The following LHFPL2 variants were observed in gnomAD, a reference collection of about 807,000 sequenced individuals.
The protein encoded by LHFPL2 is LHFPL tetraspan subfamily member 2 protein.
LHFPL2 carries 7 observed loss-of-function variants against 17.5 expected under a neutral mutation model. The ratio of observed to expected loss-of-function variants is 0.40; its 90% CI spans 0.23 to 0.75. The LOEUF is 0.75. LHFPL2 is among the 30% of genes least tolerant of loss of function. LHFPL2 has a pLI of 0.37. For missense variants in LHFPL2, 241 were observed against 294.8 expected (o/e 0.82, Z 1.34); for synonymous variants, 134 against 116.2 (o/e 1.15, Z -0.99).
chr5:78,493,810 T>G (rs1459042199), intron 4 of LHFPL2, among the ~76,000 whole-genome samples: 5 of 152,128 alleles, frequency 3.3e-5, no homozygotes, highest in Non-Finnish European at 7.4e-5. Context: ...ATAAAACAAT[T>G]AAAATCAATA....
chr5:78,539,269 G>C (rs972061382), intron 3 of LHFPL2, among the ~76,000 whole-genome samples: 2 of 152,142 alleles, frequency 1.3e-5, no homozygotes, highest in African/African-American at 2.4e-5. Flanking sequence ...TGGCACCTTG[G>C]TCTTGGACCT....
At chr5:78,540,630 C>A (rs980028672) in intron 3 of LHFPL2, among the ~76,000 whole-genome samples, 2 of 152,236 alleles carry the variant, frequency 1.3e-5, no homozygotes, top group Non-Finnish European at 2.9e-5. Flanking sequence ...GAATTCCTGG[C>A]ACCTGTGGTC....
At chr5:78,575,540 T>A (rs952247049) in intron 2 of LHFPL2, among the ~76,000 whole-genome samples, 1 of 151,808 alleles carries the variant, frequency 6.6e-6, no homozygotes, top group Non-Finnish European at 1.5e-5. Flanking sequence ...AGAGCGAGAC[T>A]CCATCTCAAA....
chr5:78,633,308 G>A (rs978830108), intron 1 of LHFPL2, among the ~76,000 whole-genome samples: 2 of 152,198 alleles, frequency 1.3e-5, no homozygotes, highest in South Asian at 2.1e-4. Flanking sequence ...TCCAGCATGA[G>A]GTGGTTCCTG....
chr5:78,594,040 C>T (rs1743739862), intron 2 of LHFPL2, among the ~76,000 whole-genome samples: 1 of 152,154 alleles, frequency 6.6e-6, no homozygotes, highest in Non-Finnish European at 1.5e-5. Flanking sequence ...GCCTCACCAG[C>T]CCAGGTACTA....
chr5:78,595,692 T>A (rs1172349206), intron 2 of LHFPL2, among the ~76,000 whole-genome samples: 1 of 152,128 alleles, frequency 6.6e-6, no homozygotes, highest in African/African-American at 2.4e-5. Flanking sequence ...TTTAAAATTT[T>A]TTTTGTAAAG....
At chr5:78,594,116 T>C (rs948383731) in intron 2 of LHFPL2, among the ~76,000 whole-genome samples, 61 of 152,240 alleles carry the variant, frequency 4.0e-4, no homozygotes, top group African/African-American at 1.4e-3. Flanking sequence ...GTTTCAGAGC[T>C]AGTTAAGTAT....
At chr5:78,647,753 A>G (rs771885818) in intron 1 of LHFPL2, among the ~76,000 whole-genome samples, 25 of 152,092 alleles carry the variant, frequency 1.6e-4, no homozygotes, top group Non-Finnish European at 2.8e-4. Context: ...AATAACAGAA[A>G]AGTCGAACGG....
chr5:78,618,030 C>T (rs897114588), intron 2 of LHFPL2, among the ~76,000 whole-genome samples: 1 of 151,934 alleles, frequency 6.6e-6, no homozygotes, highest in Admixed American at 6.6e-5. Flanking sequence ...TGGTGAGACC[C>T]CATCTCTACT....
intron 3 of LHFPL2, among the ~76,000 whole-genome samples, chr5:78,547,599 TAC>T (rs1756318208): frequency 1.3e-5 from 2 of 152,228 alleles, no homozygotes; most frequent in South Asian, 2.1e-4. Flanking sequence ...CATGGTGGAA[TAC>T]ACAGTCCTTC....
chr5:78,562,040 A>G (rs913056399), intron 3 of LHFPL2, among the ~76,000 whole-genome samples: 2 of 152,190 alleles, frequency 1.3e-5, no homozygotes, highest in Non-Finnish European at 2.9e-5. Flanking sequence ...TCCCCCAAAG[A>G]GGCACAGAAA....
intron 4 of LHFPL2, among the ~76,000 whole-genome samples, chr5:78,492,684 C>T (rs1444722974): frequency 6.6e-6 from 1 of 152,186 alleles, no homozygotes. Context: ...GAGACTCTTG[C>T]TGTTGTTTAA....
At chr5:78,572,164 T>G (rs779199379) in intron 2 of LHFPL2, among the ~76,000 whole-genome samples, 1 of 152,258 alleles carries the variant, frequency 6.6e-6, no homozygotes, top group Middle Eastern at 3.4e-3. Context: ...CAATATAGTT[T>G]GGAAAACTGC....
At chr5:78,626,252 T>C (rs1186026833) in intron 2 of LHFPL2, 1 of 152,210 alleles carries the variant, frequency 6.6e-6, no homozygotes, top group East Asian at 1.9e-4. Flanking sequence ...CTGCCTGGGT[T>C]TGTTTATTTC....
intron 2 of LHFPL2, among the ~76,000 whole-genome samples, chr5:78,617,964 A>T (rs1488811620): frequency 6.6e-6 from 1 of 152,094 alleles, no homozygotes; most frequent in African/African-American, 2.4e-5. Context: ...GCACTTTGGG[A>T]GGCCAAGACA....
rs550966994 is a variant in LHFPL2 at position 78,562,402 on chromosome 5, A to G, written c.-186+2411T>C. ...CTTTGCTCAAAACAAACCTTCCACCAAGTTCATATAATGCGACTGACTACA... is the reference window on the plus strand; with the variant it reads ...CTTTGCTCAAAACAAACCTTCCACCGAGTTCATATAATGCGACTGACTACA... On this transcript the variant is annotated intron_variant, in intron 3 of 4. Transcript: ENST00000380345. Among the ~76,000 whole-genome samples, 12 of 152,272 alleles carry G rather than the reference A, an allele frequency of 7.9e-5. No homozygotes were observed. The South Asian group carries it at 2.5e-3, about 32-fold the overall frequency.
intron 4 of LHFPL2, among the ~76,000 whole-genome samples, chr5:78,496,591 A>G (rs564403916): frequency 1.3e-5 from 2 of 152,358 alleles, no homozygotes; most frequent in East Asian, 1.9e-4. Context: ...TCACTACAGC[A>G]TAATGCCCAA....
At chr5:78,619,318 G>A (rs1225175577) in intron 2 of LHFPL2, among the ~76,000 whole-genome samples, 1 of 152,074 alleles carries the variant, frequency 6.6e-6, no homozygotes, top group Non-Finnish European at 1.5e-5. Flanking sequence ...GTGAGCCATG[G>A]TGCTGGCCCC....
intron 1 of LHFPL2, among the ~76,000 whole-genome samples, chr5:78,638,897 A>C (rs981722963): frequency 6.6e-6 from 1 of 152,252 alleles, no homozygotes; most frequent in Non-Finnish European, 1.5e-5. Context: ...TCTCATGATC[A>C]AGGTTTCAAA....
Sources: allele counts gnomAD v4.1 joint callset (sites outside exome capture counted in the v4.1 genomes callset), GRCh38; gene constraint gnomAD v4.1.1; transcripts MANE v1.5; gene names NCBI Gene and HGNC (gene_info 2026-07-23, HGNC 2026-07-21).